The following ANK2 variants were observed in gnomAD, a reference collection of about 807,000 sequenced individuals.
ANK2 encodes ankyrin-2.
Under a neutral mutation model 360.5 loss-of-function variants are expected in ANK2, and 83 were observed. The ratio of observed to expected loss-of-function variants is 0.23; its 90% CI spans 0.19 to 0.28. The LOEUF (loss-of-function observed/expected upper bound fraction) is 0.28. ANK2 is among the 10% of genes least tolerant of loss of function. The pLI is 1.00. For missense variants in ANK2, 4,201 were observed against 4,795.7 expected (o/e 0.88, Z 3.66); for synonymous variants, 1,740 against 1,759.5 (o/e 0.99, Z 0.28).
At chr4:113,291,510 A>G (rs2067559936) in intron 20 of ANK2, among the ~76,000 whole-genome samples, 1 of 152,248 alleles carries the variant, frequency 6.6e-6, no homozygotes, top group African/African-American at 2.4e-5. Context: ...ATGGGCAGAC[A>G]GAGTGCAGTG....
intron 2 of ANK2, among the ~76,000 whole-genome samples, chr4:112,976,021 A>G (rs1283333023): frequency 6.6e-6 from 1 of 152,136 alleles, no homozygotes; most frequent in East Asian, 1.9e-4. Context: ...AAAATTGAAT[A>G]TGCTCACACA....
At chr4:113,311,140 G>A (rs1457353895) in intron 23 of ANK2, 115 bp from the exon 24 acceptor site, 8 of 1,298,130 alleles carry the variant, frequency 6.2e-6, no homozygotes, top group Admixed American at 1.7e-5. Context: ...AGTGTGCAGT[G>A]CAGTTTCATC....
At chr4:112,750,253 G>C in the ANK2 span, among the ~76,000 whole-genome samples, 8 of 151,908 alleles carry the variant, frequency 5.3e-5, no homozygotes, top group Non-Finnish European at 1.0e-4. Flanking sequence ...GCAACATGAG[G>C]AAACCCCATA....
chr4:113,160,416 G>A lies in ANK2; in HGVS notation c.85-14000G>A, dbSNP rs141738148. 794 of 363,284 alleles carry A rather than the reference G, an allele frequency of 2.2e-3. 3 individuals carry two copies. Among genetic ancestry groups the A allele is most frequent in the Non-Finnish European group, 3.0e-3 (556 of 188,034 alleles). The allele number at this position is 363,284 out of a possible 1,614,324, so 22.5% of individuals were successfully genotyped here. Reference sequence around the variant, plus strand: ...TGTAATCTTAGGCAATGAGTTTCAGGTGAATTAATAAGAGCAGATATAAAT... The same window carrying A: ...TGTAATCTTAGGCAATGAGTTTCAGATGAATTAATAAGAGCAGATATAAAT... On this transcript the variant is annotated intron_variant, in intron 1 of 45. Transcript: ENST00000357077.
chr4:113,246,860 G>A (rs188271609), intron 9 of ANK2, among the ~76,000 whole-genome samples: 1 of 152,212 alleles, frequency 6.6e-6, no homozygotes, highest in East Asian at 1.9e-4. Context: ...TTATTTTCTT[G>A]TTGAGAATAT....
chr4:112,754,950 A>T, the ANK2 span, among the ~76,000 whole-genome samples: 5 of 152,222 alleles, frequency 3.3e-5, no homozygotes, highest in African/African-American at 1.2e-4. Flanking sequence ...TTTACCTCAA[A>T]CTCTTATATC....
chr4:113,380,009 A>G (rs1262556738), intron 45 of ANK2, among the ~76,000 whole-genome samples: 1 of 152,118 alleles, frequency 6.6e-6, no homozygotes, highest in Non-Finnish European at 1.5e-5. Flanking sequence ...AGGCTCTGGA[A>G]TCTTTGACTC....
intron 2 of ANK2, among the ~76,000 whole-genome samples, chr4:112,912,675 T>C (rs1469274435): frequency 2.0e-5 from 3 of 151,984 alleles, no homozygotes; most frequent in African/African-American, 7.2e-5. Flanking sequence ...CTAATTTATT[T>C]TGATATTATT....
chr4:113,263,336 C>CATTCCA (rs1468966743), intron 13 of ANK2, among the ~76,000 whole-genome samples: 1 of 150,324 alleles, frequency 6.7e-6, no homozygotes, highest in Non-Finnish European at 1.5e-5. Context: ...TAAATATTAG[C>CATTCCA]ATTCCAATGA....
At chr4:112,723,207 A>T in the ANK2 span, among the ~76,000 whole-genome samples, 5 of 152,170 alleles carry the variant, frequency 3.3e-5, no homozygotes, top group African/African-American at 1.2e-4. Context: ...ACTGAATCTT[A>T]TGTTTAGTTT....
the ANK2 span, among the ~76,000 whole-genome samples, chr4:112,735,882 T>C: frequency 7.9e-4 from 120 of 152,280 alleles, 1 homozygote; most frequent in Middle Eastern, 3.4e-3. Context: ...TTCTTTATAT[T>C]TCTATGAATT....
Position 113,369,695 on chromosome 4 carries a change from G to A in ANK2, c.11500G>A (p.Glu3834Lys), listed in dbSNP as rs2154066788. 2.5e-6 allele frequency: 4 copies of A among 1,614,140 alleles called. No individual in the cohort carries two copies. Among genetic ancestry groups the A allele is most frequent in the Non-Finnish European group, 2.5e-6 (3 of 1,180,012 alleles). ...CATACAAGAACCCGAAGAGCCCTCA[G>A]AGCACAGAGAGGAGAGCTCTCCGCG... Reference protein sequence around the residue: ...PIIQEPEEPSEHREESSPRKT... With the variant: ...PIIQEPEEPSKHREESSPRKT... Residue 3834 changes from glutamate (E) to lysine (K), a missense_variant, in exon 43 of 46, where the codon GAG (glutamate) becomes AAG (lysine). Transcript: ENST00000357077.
At chr4:112,785,421 T>G in the ANK2 span, among the ~76,000 whole-genome samples, 15 of 152,054 alleles carry the variant, frequency 9.9e-5, no homozygotes, top group Non-Finnish European at 1.5e-5. Flanking sequence ...TCACCCAGGC[T>G]GGAGTGCAGT....
the ANK2 span, among the ~76,000 whole-genome samples, chr4:112,791,479 CTTTTTTTT>C: frequency 3.2e-5 from 3 of 93,898 alleles, no homozygotes; most frequent in Non-Finnish European, 6.2e-5. Flanking sequence ...TCTTCTTCTT[CTTTTTTTT>C]TTTTTTTTTT....
the ANK2 span, among the ~76,000 whole-genome samples, chr4:112,710,169 G>GT: frequency 2.6e-5 from 4 of 152,306 alleles, no homozygotes; most frequent in Non-Finnish European, 4.4e-5. Context: ...CAAGTTCATA[G>GT]TTAGGAAATT....
chr4:113,181,884 AT>A (rs1336618342), intron 2 of ANK2, among the ~76,000 whole-genome samples: 2 of 152,146 alleles, frequency 1.3e-5, no homozygotes, highest in Admixed American at 1.3e-4. Flanking sequence ...CTTGTGGGCT[AT>A]TTTAAGGACT....
intron 4 of ANK2, among the ~76,000 whole-genome samples, chr4:113,231,353 A>C (rs1273840717): frequency 1.3e-5 from 2 of 151,990 alleles, no homozygotes; most frequent in African/African-American, 4.8e-5. Flanking sequence ...CACCCAGCCA[A>C]GACTTTTACA....
chr4:112,763,233 T>C, the ANK2 span, among the ~76,000 whole-genome samples: 4 of 151,660 alleles, frequency 2.6e-5, no homozygotes, highest in Non-Finnish European at 5.9e-5. Flanking sequence ...CTAATTTTTT[T>C]TTTTTTTTGT....
chr4:113,095,398 T>C (rs1157746400), intron 1 of ANK2, among the ~76,000 whole-genome samples: 2 of 152,184 alleles, frequency 1.3e-5, no homozygotes, highest in African/African-American at 4.8e-5. Flanking sequence ...TGTACCTATA[T>C]GAGTAAAAAT....
Sources: gnomAD v4.1 joint callset for allele counts (sites outside exome capture counted in the v4.1 genomes callset) on GRCh38, gnomAD v4.1.1 for gene constraint, MANE v1.5 for transcripts, NCBI Gene and HGNC (gene_info 2026-07-23, HGNC 2026-07-21) for gene names.